Variants in ACP7 observed in about 807,000 individuals in gnomAD.
ACP7 encodes the protein acid phosphatase type 7.
A neutral mutation model predicts 60.6 loss-of-function variants in ACP7; 58 were observed. That is an observed-to-expected ratio of 0.96 (90% CI 0.77 to 1.19). The LOEUF is 1.19. Ranked by LOEUF, ACP7 falls within the 50% of genes most tolerant of loss-of-function variation. The pLI, the probability that ACP7 is intolerant of heterozygous loss-of-function variation, is 0.00. For synonymous variants in ACP7, 237 were observed against 232.6 expected (o/e 1.02, Z -0.17); for missense variants, 574 against 596.2 (o/e 0.96, Z 0.39).
chr19:39,096,706 G>A (rs1296475476), intron 2 of ACP7, among the ~76,000 whole-genome samples: 1 of 152,174 alleles, frequency 6.6e-6, no homozygotes, highest in East Asian at 1.9e-4. Flanking sequence ...ACCCAAGACT[G>A]GGAAGAAAAA....
chr19:39,090,263 G>C (rs751831804), intron 2 of ACP7, among the ~76,000 whole-genome samples: 18 of 151,954 alleles, frequency 1.2e-4, no homozygotes, highest in African/African-American at 1.7e-4. Context: ...CCACCTCCCA[G>C]GTTCAAGCAA....
At chr19:39,098,340 C>T in intron 2 of ACP7, 118 bp from the exon 3 acceptor site, 1 of 579,948 alleles carries the variant, frequency 1.7e-6, no homozygotes, top group Non-Finnish European at 2.7e-6. Flanking sequence ...AGTTCCAGAA[C>T]CTGTGTCCTT....
chr19:39,110,173 AC>A lies in ACP7; in HGVS notation c.*57del. 2 of 1,537,062 alleles carry A rather than the reference AC, an allele frequency of 1.3e-6. No homozygotes were observed. The highest frequency in any genetic ancestry group is 1.8e-6 in the Non-Finnish European group (2 of 1,112,540). On this transcript the variant is annotated 3_prime_UTR_variant, in exon 13 of 13. Transcript: ENST00000331256. ...AGGTTTTGCCGCCTTGGCTGCTGTG[AC>A]CAGAAACTGCCCAGGCCTGGGTGGG... is the stretch of plus-strand genomic sequence containing the variant.
chr19:39,090,993 C>T (rs1261660441), intron 2 of ACP7, among the ~76,000 whole-genome samples: 1 of 152,070 alleles, frequency 6.6e-6, no homozygotes, highest in South Asian at 2.1e-4. Flanking sequence ...CAGATTTGGT[C>T]TCTCAGAATT....
chr19:39,098,542 C>T lies in ACP7; in HGVS notation c.206C>T (p.Pro69Leu), dbSNP rs1181898252. ...CAATTCGGGTTGCAGCCGTCGGGGC[C>T]CCTGCCCCTCCGCGCCCAGGGCACC... ...EVQFGLQPSG[P>L]LPLRAQGTFV... Residue 69 changes from proline to leucine, a missense_variant, in exon 3 of 13, where the codon CCC (proline) becomes CTC (leucine). Pro to Leu is a moderately conservative substitution (Grantham distance 98). Transcript: ENST00000331256. 1 of 1,612,814 alleles carries T rather than the reference C, an allele frequency of 6.2e-7. No homozygotes were observed. The highest frequency in any genetic ancestry group is 2.2e-5 in the East Asian group (1 of 44,850).
At position 39,094,733 on chromosome 19, in the gene ACP7, G is replaced by A. The variant is rs374184380; in HGVS notation, c.122-3725G>A. Among the ~76,000 whole-genome samples the A allele has an allele frequency of 1.0e-3, 156 of 152,018 alleles. No individual in the cohort carries two copies. The Middle Eastern group carries it at 0.014, about 13-fold the overall frequency. The stretch of plus-strand genomic sequence containing the variant: ...TCCGAGCTACTCAGGAGGCTGAGGC[G>A]GGAGGATCACTTGAACCCAGGAGGC... On this transcript the variant is annotated intron_variant, in intron 2 of 12. Coordinates refer to ENST00000331256, the MANE Select transcript of ACP7 (RefSeq NM_001004318.3).
rs202199704 is a variant in ACP7, at chr19:39,101,447, A to G, written c.1042-19A>G. Reference sequence around the variant, plus strand: ...GCCTCGAGTGACTGCCTGCCACCCAACGTTGTTCCCTTCCCCAGGTATTTA... The same window carrying G: ...GCCTCGAGTGACTGCCTGCCACCCAGCGTTGTTCCCTTCCCCAGGTATTTA... On this transcript the variant is annotated intron_variant, in intron 10 of 12. Coordinates refer to ENST00000331256, the MANE Select transcript of ACP7 (RefSeq NM_001004318.3). The G allele has an allele frequency of 1.2e-3, 1,976 of 1,614,028 alleles. No individual in the cohort carries two copies. The highest frequency in any genetic ancestry group is 1.3e-3 in the Non-Finnish European group (1,546 of 1,179,924).
At chr19:39,090,316 A>G (rs909700727) in intron 2 of ACP7, among the ~76,000 whole-genome samples, 4 of 151,560 alleles carry the variant, frequency 2.6e-5, no homozygotes, top group Admixed American at 1.3e-4. Flanking sequence ...TTACAGGCGC[A>G]CGCTGCCATG....
intron 12 of ACP7, among the ~76,000 whole-genome samples, chr19:39,108,534 T>A (rs550714583): frequency 1.8e-4 from 28 of 152,178 alleles, no homozygotes; most frequent in African/African-American, 6.7e-4. Flanking sequence ...TTGAAGGACT[T>A]ATTATATATA....
intron 1 of ACP7, 26 bp from the exon 2 acceptor site, chr19:39,085,066 T>G: frequency 1.8e-6 from 1 of 567,294 alleles, no homozygotes; most frequent in Non-Finnish European, 3.0e-6. Flanking sequence ...TCCTTAGCGA[T>G]TCTTATTTTT....
At chr19:39,094,565 G>A (rs1305145760) in intron 2 of ACP7, among the ~76,000 whole-genome samples, 1 of 151,716 alleles carries the variant, frequency 6.6e-6, no homozygotes, top group Admixed American at 6.6e-5. Context: ...GTTCACGCCT[G>A]TAATCCCAGC....
chr19:39,094,247 C>CTGGG (rs2073241325), intron 2 of ACP7, among the ~76,000 whole-genome samples: 1 of 151,958 alleles, frequency 6.6e-6, no homozygotes, highest in Non-Finnish European at 1.5e-5. Context: ...ACCCAAAGTG[C>CTGGG]TGATCCCAGC....
intron 11 of ACP7, 46 bp from the exon 12 acceptor site, chr19:39,106,901 C>A: frequency 6.2e-7 from 1 of 1,606,768 alleles, no homozygotes; most frequent in Non-Finnish European, 8.5e-7. Context: ...TGCTTCCCCG[C>A]GGGTCCTCCA....
At chr19:39,085,855 C>T (rs1013291891) in intron 2 of ACP7, among the ~76,000 whole-genome samples, 13 of 152,200 alleles carry the variant, frequency 8.5e-5, no homozygotes, top group Non-Finnish European at 1.3e-4. Context: ...AGAGCTTGGA[C>T]TCTGGACCAT....
chr19:39,100,057 C>T (rs1309257629), intron 4 of ACP7, among the ~76,000 whole-genome samples, 170 bp from the exon 5 acceptor site: 5 of 150,628 alleles, frequency 3.3e-5, no homozygotes, highest in Admixed American at 2.7e-4. Context: ...ACCTGTAATT[C>T]CAGCACTTTG....
intron 12 of ACP7, among the ~76,000 whole-genome samples, chr19:39,107,483 C>G (rs527533534): frequency 2.7e-4 from 40 of 148,206 alleles, no homozygotes; most frequent in Non-Finnish European, 5.0e-4. Flanking sequence ...ACTCGGGAGG[C>G]TGAGGCAGGA....
At chr19:39,095,823 C>G (rs1431703716) in intron 2 of ACP7, among the ~76,000 whole-genome samples, 1 of 152,240 alleles carries the variant, frequency 6.6e-6, no homozygotes, top group African/African-American at 2.4e-5. Flanking sequence ...AACCCCAATT[C>G]TTGACTTCTG....
Position 39,099,234 on chromosome 19 carries a change from G to T in ACP7, c.505+92G>T, listed in dbSNP as rs1600263954. On this transcript the variant is annotated intron_variant, in intron 4 of 12. Coordinates refer to ENST00000331256, the MANE Select transcript of ACP7 (RefSeq NM_001004318.3). ...CGGGTCGGGGGCGCGCGGGTCGGGG[G>T]CGGTGCTAGGACCGTGGAGGGGACA... The T allele has an allele frequency of 2.4e-6, 3 of 1,227,514 alleles. No individual in the cohort carries two copies. In the South Asian group the frequency reaches 5.2e-5, roughly 21 times the overall value. 76.0% of individuals were successfully genotyped at this position (1,227,514 alleles called of 1,614,324 possible). A position where few individuals can be genotyped will look rare whatever the true frequency, so the allele number is the denominator to read the frequency against.
intron 2 of ACP7, among the ~76,000 whole-genome samples, chr19:39,089,822 C>T (rs368414992): frequency 8.5e-4 from 129 of 152,324 alleles, no homozygotes; most frequent in Middle Eastern, 3.4e-3. Flanking sequence ...TGATGTTGTG[C>T]CCTTCTTGGC....
Sources: allele counts gnomAD v4.1 joint callset (sites outside exome capture counted in the v4.1 genomes callset), GRCh38; gene constraint gnomAD v4.1.1; transcripts MANE v1.5; gene names NCBI Gene and HGNC (gene_info 2026-07-23, HGNC 2026-07-21).